WASL: variants seen among roughly 807,000 people sequenced by gnomAD.
The protein encoded by WASL is WASP like actin nucleation promoting factor.
A neutral mutation model predicts 55.5 loss-of-function variants in WASL; 20 were observed. That is an observed-to-expected ratio of 0.36 (90% CI 0.25 to 0.52). WASL has a LOEUF of 0.52. Among genes scored for constraint, WASL ranks in the 20% least tolerant of loss-of-function variants. WASL has a pLI of 0.92. For synonymous variants in WASL, 249 were observed against 217.6 expected (o/e 1.14, Z -1.27); for missense variants, 504 against 622.5 (o/e 0.81, Z 2.03).
intron 1 of WASL, among the ~76,000 whole-genome samples, chr7:123,732,351 A>T (rs1804154359): frequency 6.6e-6 from 1 of 152,076 alleles, no homozygotes; most frequent in Non-Finnish European, 1.5e-5. Context: ...AATAAAAAAT[A>T]AAAATAAAAA....
Position 123,692,555 on chromosome 7 carries a change from G to A in WASL, c.1139C>T (p.Pro380Leu), listed in dbSNP as rs1210658120. 2 of 1,613,972 alleles carry A rather than the reference G, an allele frequency of 1.2e-6. No individual in the cohort carries two copies. The highest frequency in any genetic ancestry group is 2.2e-5 in the South Asian group (2 of 91,072). The change falls in exon 9 of 11, where the codon CCA becomes CTA. Residue 380 changes from proline (P) to leucine (L), a missense_variant. This residue lies in a region of WASL where 201 missense variants were observed against 206.2 expected (regional missense o/e 0.97). Coordinates refer to ENST00000223023, the MANE Select transcript of WASL (RefSeq NM_003941.4). ...CGGGGGCGGTGGCCCAGGAGGAGGT[G>A]GAGGTGGAGGCGGTGGGGGTGGTGC... ...PVAPPPPPPP[P>L]PPPGPPPPPG... is the part of the protein sequence containing the mutation.
chr7:123,684,351 T>C lies in WASL; in HGVS notation c.*168A>G. On this transcript the variant is annotated 3_prime_UTR_variant, in exon 11 of 11. Transcript: ENST00000223023. ...GCTTTGTAGAGGATTACGACAAACC[T>C]TTACAGATTAAATGAGGTATTGCAC... is the stretch of plus-strand genomic sequence containing the variant. 7.1e-6 allele frequency: 2 copies of C among 283,036 alleles called. No homozygotes were observed. Among genetic ancestry groups the C allele is most frequent in the Non-Finnish European group, 1.4e-5 (2 of 146,516 alleles). 17.5% of individuals were successfully genotyped at this position (283,036 alleles called of 1,614,324 possible).
intron 1 of WASL, among the ~76,000 whole-genome samples, chr7:123,718,510 G>GT (rs1803883311): frequency 6.6e-6 from 1 of 152,204 alleles, no homozygotes; most frequent in South Asian, 2.1e-4. Flanking sequence ...GACAATGAGT[G>GT]TATCTGGAAG....
intron 1 of WASL, among the ~76,000 whole-genome samples, chr7:123,709,844 T>C (rs1803728624): frequency 6.6e-6 from 1 of 152,164 alleles, no homozygotes; most frequent in Non-Finnish European, 1.5e-5. Flanking sequence ...AGTTTAAGAT[T>C]GTAAGTGATT....
In WASL at chr7:123,686,287, T is replaced by A. The variant is rs368817360; in HGVS notation, c.1457-1707A>T. ...GGAAAGGAGTTCAATTGAGTCATGT[T>A]AATTTCTGTTTACTCTTCTAGCAAG... On this transcript the variant is annotated intron_variant, in intron 10 of 10. Coordinates refer to ENST00000223023, the MANE Select transcript of WASL (RefSeq NM_003941.4). Among the ~76,000 whole-genome samples, 42 of 152,200 alleles carry A rather than the reference T, an allele frequency of 2.8e-4. 1 individual carries two copies. In the South Asian group the frequency reaches 8.7e-3, roughly 32 times the overall value.
rs746603052 is a variant in WASL at position 123,747,116 on chromosome 7, GA to G, written c.117+1501del. Among the ~76,000 whole-genome samples the G allele has an allele frequency of 2.6e-3, 385 of 150,918 alleles. 3 individuals carry two copies. Among genetic ancestry groups the G allele is most frequent in the African/African-American group, 8.6e-3 (353 of 41,196 alleles). On this transcript the variant is annotated intron_variant, in intron 1 of 10. Transcript: ENST00000223023. The stretch of plus-strand genomic sequence containing the variant: ...ACTTTTAGAAATAAATCAGTAACAG[GA>G]AAAAAAAATACCCTTCTAAAACAAC...
chr7:123,723,169 A>C (rs1803981797), intron 1 of WASL, among the ~76,000 whole-genome samples: 1 of 152,224 alleles, frequency 6.6e-6, no homozygotes, highest in South Asian at 2.1e-4. Flanking sequence ...ATTAAATGCT[A>C]ATTATGATAT....
At chr7:123,744,465 A>G (rs1366772363) in intron 1 of WASL, among the ~76,000 whole-genome samples, 4 of 152,224 alleles carry the variant, frequency 2.6e-5, no homozygotes. Context: ...AGAATTATAT[A>G]TAGTGAGGAA....
chr7:123,700,162 C>A (rs1275774503), intron 5 of WASL, among the ~76,000 whole-genome samples: 1 of 90,636 alleles, frequency 1.1e-5, no homozygotes, highest in African/African-American at 4.6e-5. Flanking sequence ...GGCAACAGAG[C>A]GAAACTCCGT....
intron 1 of WASL, among the ~76,000 whole-genome samples, chr7:123,727,353 T>TCGCTCACACACA (rs1554406247): frequency 1.4e-5 from 2 of 147,710 alleles, no homozygotes; most frequent in African/African-American, 5.0e-5. Context: ...AAAATATGTG[T>TCGCTCACACACA]CACACACACA....
chr7:123,712,326 C>T (rs1285734433), intron 1 of WASL, among the ~76,000 whole-genome samples: 1 of 152,154 alleles, frequency 6.6e-6, no homozygotes, highest in Non-Finnish European at 1.5e-5. Context: ...TGTACTTTCA[C>T]TCCACCTATA....
intron 1 of WASL, 98 bp downstream of exon 1, chr7:123,748,520 C>T: frequency 7.4e-7 from 1 of 1,342,900 alleles, no homozygotes; most frequent in East Asian, 2.6e-5. Context: ...GCCTGGCCCG[C>T]GCCGCTCCCG....
intron 1 of WASL, among the ~76,000 whole-genome samples, chr7:123,740,316 A>G (rs968774997): frequency 1.3e-5 from 2 of 152,168 alleles, no homozygotes; most frequent in African/African-American, 2.4e-5. Context: ...CTTTAAAAAA[A>G]GGGTTACAAT....
rs372557216 is a variant in WASL, at chr7:123,686,401, T to A, written c.1457-1821A>T. 2.8e-4 allele frequency among the ~76,000 whole-genome samples: 42 copies of A among 152,132 alleles called. 1 individual carries two copies. The South Asian group carries it at 8.7e-3, about 31-fold the overall frequency. Reference sequence around the variant, plus strand: ...TCAAAGACACCTGACTATGCTGGCATTACAGACTGACAAAAGACAGAAACT... The same window carrying A: ...TCAAAGACACCTGACTATGCTGGCAATACAGACTGACAAAAGACAGAAACT... On this transcript the variant is annotated intron_variant, in intron 10 of 10. Coordinates refer to ENST00000223023, the MANE Select transcript of WASL (RefSeq NM_003941.4).
intron 6 of WASL, among the ~76,000 whole-genome samples, chr7:123,696,072 C>G (rs529977037): frequency 2.0e-5 from 3 of 152,120 alleles, no homozygotes; most frequent in Admixed American, 2.0e-4. Flanking sequence ...CTAACTGAAA[C>G]TTAAAATTTT....
intron 7 of WASL, 69 bp downstream of exon 7, chr7:123,695,754 A>G: frequency 6.6e-7 from 1 of 1,520,740 alleles, no homozygotes; most frequent in African/African-American, 1.4e-5. Context: ...ATGAATTTAA[A>G]AAAATCTAAA....
intron 5 of WASL, among the ~76,000 whole-genome samples, chr7:123,698,543 C>T (rs1295412405): frequency 6.6e-6 from 1 of 151,766 alleles, no homozygotes; most frequent in Non-Finnish European, 1.5e-5. Flanking sequence ...ATATTCAAAT[C>T]CTATTTATAT....
At position 123,684,717 on chromosome 7, in the gene WASL, T is replaced by C. The variant is rs1269435845; in HGVS notation, c.1457-137A>G. 5.1e-6 allele frequency: 4 copies of C among 781,162 alleles called. No homozygotes were observed. The African/African-American group carries it at 7.3e-5, about 14-fold the overall frequency. The allele number at this position is 781,162 out of a possible 1,614,324, so 48.4% of individuals were successfully genotyped here. A position where few individuals can be genotyped will look rare whatever the true frequency, so the allele number is the denominator to read the frequency against. On this transcript the variant is annotated intron_variant, in intron 10 of 10. Coordinates refer to ENST00000223023, the MANE Select transcript of WASL (RefSeq NM_003941.4). ...CAGAAGAATCTAGTTACTAAAACAGTTTAAAGTGAATCTAAAGAAATATAT... is the reference window on the plus strand; with the variant it reads ...CAGAAGAATCTAGTTACTAAAACAGCTTAAAGTGAATCTAAAGAAATATAT...
At chr7:123,732,028 C>T (rs1278930792) in intron 1 of WASL, among the ~76,000 whole-genome samples, 1 of 152,070 alleles carries the variant, frequency 6.6e-6, no homozygotes, top group Non-Finnish European at 1.5e-5. Context: ...AAATTACTAA[C>T]ATAAAAACAG....
Sources: gnomAD v4.1 joint callset for allele counts (sites outside exome capture counted in the v4.1 genomes callset) on GRCh38, gnomAD v4.1.1 for gene constraint, gnomAD v4.1.1 regional missense constraint, MANE v1.5 for transcripts, NCBI Gene and HGNC (gene_info 2026-07-23, HGNC 2026-07-21) for gene names.